MTMR8: variants seen among roughly 807,000 people sequenced by gnomAD.
MTMR8 encodes the protein phosphatidylinositol-3,5-bisphosphate 3-phosphatase MTMR8.
MTMR8 carries 65 observed loss-of-function variants against 39.3 expected under a neutral mutation model. The ratio of observed to expected loss-of-function variants is 1.65; its 90% CI spans 1.35 to 2.03. MTMR8 has a LOEUF of 2.03. MTMR8 is among the 30% of genes most tolerant of loss of function. MTMR8 has a pLI of 0.00. For missense variants in MTMR8, 777 were observed against 538.9 expected (o/e 1.44, Z -4.37); for synonymous variants, 245 against 185.2 (o/e 1.32, Z -2.62).
intron 12 of MTMR8, among the ~76,000 whole-genome samples, chrX:64,315,912 G>T (rs992850661): frequency 1.8e-5 from 2 of 110,738 alleles, no homozygotes; most frequent in East Asian, 2.8e-4. Flanking sequence ...TCTCTAGGCA[G>T]TATATTATAT....
At chrX:64,325,350 A>T (rs184041767) in intron 12 of MTMR8, among the ~76,000 whole-genome samples, 2 of 112,036 alleles carry the variant, frequency 1.8e-5, no homozygotes, top group Non-Finnish European at 3.8e-5. Context: ...GGACACAATT[A>T]AAAAAGAATA....
intron 8 of MTMR8, among the ~76,000 whole-genome samples, chrX:64,338,553 A>C (rs1923134538): frequency 8.9e-6 from 1 of 112,140 alleles, no homozygotes; most frequent in Non-Finnish European, 1.9e-5. Context: ...GAATAAGGAG[A>C]GATAGAGCCA....
At chrX:64,358,186 C>T (rs1923677437) in intron 2 of MTMR8, among the ~76,000 whole-genome samples, 1 of 111,595 alleles carries the variant, frequency 9.0e-6, no homozygotes, top group African/African-American at 3.3e-5. Context: ...AATCTAACCA[C>T]CTCATTTTAC....
chrX:64,284,059 G>C (rs1046222752), intron 12 of MTMR8, among the ~76,000 whole-genome samples: 1 of 111,842 alleles, frequency 8.9e-6, no homozygotes, highest in East Asian at 2.8e-4. Flanking sequence ...CCATGGCAAA[G>C]AAGTTAAAAA....
rs112739291 is a variant in MTMR8 at position 64,268,601 on chromosome X, A to G, written c.2051T>C (p.Ile684Thr). ...CTTGGAGATGCCTGTGTCCCCCAAG[A>G]TGCCCATGTCCCCAGAGAAACCCCT... ...EARGFSGDMGILGDTGISKAS... is the reference protein window; with the variant it reads ...EARGFSGDMGTLGDTGISKAS... The change falls in exon 14 of 14, where the codon ATC becomes ACC. Residue 684 changes from isoleucine to threonine, a missense_variant. By Grantham distance (89) the Ile-to-Thr change is moderately conservative. Transcript: ENST00000374852. 1.7e-6 allele frequency: 2 copies of G among 1,211,618 alleles called. No individual in the cohort carries two copies. The highest frequency in any genetic ancestry group is 1.8e-5 in the South Asian group (1 of 56,937).
At chrX:64,326,221 G>T (rs1202232652) in intron 12 of MTMR8, among the ~76,000 whole-genome samples, 3 of 110,957 alleles carry the variant, frequency 2.7e-5, no homozygotes, top group Admixed American at 9.6e-5. Flanking sequence ...CTGACTCAGT[G>T]GTTGCAGAGG....
intron 12 of MTMR8, among the ~76,000 whole-genome samples, chrX:64,313,623 T>C (rs187595263): frequency 8.9e-6 from 1 of 112,770 alleles, no homozygotes; most frequent in East Asian, 2.8e-4. Flanking sequence ...AAGCTTTTGA[T>C]TTAAAGTGAG....
chrX:64,320,821 A>G (rs890876851), intron 12 of MTMR8, among the ~76,000 whole-genome samples: 2 of 111,834 alleles, frequency 1.8e-5, no homozygotes, highest in East Asian at 2.8e-4. Context: ...CAGAAGCAGG[A>G]CATGGCTAAA....
chrX:64,301,660 T>C (rs917534647), intron 12 of MTMR8, among the ~76,000 whole-genome samples: 7 of 111,647 alleles, frequency 6.3e-5, no homozygotes, highest in African/African-American at 2.3e-4. Flanking sequence ...GCTCTGCGTT[T>C]TAGAGTTTCC....
chrX:64,328,494 G>A (rs781087269), intron 12 of MTMR8, among the ~76,000 whole-genome samples: 5 of 111,552 alleles, frequency 4.5e-5, no homozygotes, highest in African/African-American at 1.6e-4. Context: ...CAGAGGAAGA[G>A]TAAATGAATC....
chrX:64,350,099 A>ATATATAT (rs757224798), intron 4 of MTMR8, 29 bp from the exon 5 acceptor site: 2 of 843,605 alleles, frequency 2.4e-6, no homozygotes, highest in African/African-American at 4.7e-5. Flanking sequence ...AATATATATA[A>ATATATAT]ATATATATTT....
intron 1 of MTMR8, 72 bp from the exon 2 acceptor site, chrX:64,359,599 G>A: frequency 1.9e-6 from 2 of 1,050,986 alleles, no homozygotes; most frequent in Non-Finnish European, 2.6e-6. Context: ...GCCATTCAAA[G>A]CAAGATAAAC....
chrX:64,340,436 G>C (rs1261604694), intron 8 of MTMR8, among the ~76,000 whole-genome samples: 28 of 110,878 alleles, frequency 2.5e-4, no homozygotes, highest in Non-Finnish European at 5.3e-4. Context: ...GTAACTAGAA[G>C]GTATAGAGGA....
intron 10 of MTMR8, among the ~76,000 whole-genome samples, chrX:64,334,118 C>T (rs1453564976): frequency 9.0e-6 from 1 of 110,742 alleles, no homozygotes; most frequent in African/African-American, 3.3e-5. Flanking sequence ...TCTACACCAC[C>T]TCTCTATCCA....
chrX:64,296,908 A>G (rs1921620772), intron 12 of MTMR8, among the ~76,000 whole-genome samples: 1 of 102,920 alleles, frequency 9.7e-6, no homozygotes, highest in African/African-American at 3.6e-5. Context: ...AAGGACATGA[A>G]CTCATCATTT....
intron 12 of MTMR8, among the ~76,000 whole-genome samples, chrX:64,318,203 C>T (rs191208682): frequency 2.7e-5 from 3 of 112,326 alleles, no homozygotes; most frequent in Admixed American, 1.9e-4. Flanking sequence ...TCCAACTCCC[C>T]ACTTGGCTTT....
intron 1 of MTMR8, among the ~76,000 whole-genome samples, chrX:64,378,133 T>C (rs1452150125): frequency 2.7e-5 from 3 of 112,162 alleles, no homozygotes; most frequent in African/African-American, 9.7e-5. Context: ...TCATAAATTA[T>C]GCAGTTTCAG....
intron 1 of MTMR8, among the ~76,000 whole-genome samples, chrX:64,389,168 C>T (rs1321616611): frequency 9.0e-6 from 1 of 111,383 alleles, no homozygotes; most frequent in Non-Finnish European, 1.9e-5. Flanking sequence ...TAGAATAGTA[C>T]CTGGCACATA....
chrX:64,334,041 T>A (rs1355282059), intron 10 of MTMR8, among the ~76,000 whole-genome samples: 3 of 111,558 alleles, frequency 2.7e-5, no homozygotes, highest in Middle Eastern at 4.6e-3. Context: ...CTTTATACAA[T>A]TTTTTGAGTT....
Sources: allele counts gnomAD v4.1 joint callset (sites outside exome capture counted in the v4.1 genomes callset), GRCh38; gene constraint gnomAD v4.1.1; transcripts MANE v1.5; gene names NCBI Gene and HGNC (gene_info 2026-07-23, HGNC 2026-07-21).